Variants in GABBR2 observed in about 807,000 individuals in gnomAD.
The protein encoded by GABBR2 is gamma-aminobutyric acid type B receptor subunit 2.
In GABBR2, 23 loss-of-function variants were observed where a neutral mutation model predicts 105.6. That is an observed-to-expected ratio of 0.22 (90% CI 0.16 to 0.31). The LOEUF (loss-of-function observed/expected upper bound fraction) is 0.31. Ranked by LOEUF, GABBR2 falls within the 10% of genes least tolerant of loss-of-function variation. The pLI is 1.00. For synonymous variants in GABBR2, 478 were observed against 499.7 expected, an observed-to-expected ratio of 0.96 and a Z score of 0.58; for missense variants, 734 against 1,245.5, an observed-to-expected ratio of 0.59 and a Z score of 6.18.
intron 2 of GABBR2, among the ~76,000 whole-genome samples, chr9:98,570,766 G>T (rs764366145): frequency 2.0e-5 from 3 of 152,232 alleles, no homozygotes; most frequent in Admixed American, 6.5e-5. Context: ...AGGGGGCGGG[G>T]GTTCCTGAGA....
In GABBR2 at chr9:98,385,721, C is replaced by T. The variant is rs768532633; in HGVS notation, c.1581G>A (p.Gly527=). Residue 527 remains glycine, a synonymous_variant, in exon 11 of 19, where the codon GGG becomes GGA. Transcript: ENST00000259455. The part of the protein sequence containing the change: ...PYMNNLIILG[G]MLSYASIFLF... ...GAAATATGGAAGCATAGGAGAGCATCCCTCCAAGGATGATAAGGTTGTTCA... is the reference window on the plus strand; with the variant it reads ...GAAATATGGAAGCATAGGAGAGCATTCCTCCAAGGATGATAAGGTTGTTCA... The T allele has an allele frequency of 1.2e-6, 2 of 1,607,720 alleles. No individual in the cohort carries two copies. The highest frequency in any genetic ancestry group is 1.7e-6 in the Non-Finnish European group (2 of 1,174,302).
At chr9:98,688,971 C>T (rs144128605) in intron 1 of GABBR2, among the ~76,000 whole-genome samples, 47 of 152,288 alleles carry the variant, frequency 3.1e-4, no homozygotes, top group Admixed American at 8.5e-4. Context: ...AAGGAAAGCA[C>T]GTTCAGGACA....
At chr9:98,583,649 A>ACT (rs1829032909) in intron 1 of GABBR2, among the ~76,000 whole-genome samples, 1 of 152,084 alleles carries the variant, frequency 6.6e-6, no homozygotes, top group Non-Finnish European at 1.5e-5. Flanking sequence ...TAGGCTACTC[A>ACT]CTCCAAGTTA....
At chr9:98,315,429 G>A (rs989841921) in intron 13 of GABBR2, among the ~76,000 whole-genome samples, 1 of 152,240 alleles carries the variant, frequency 6.6e-6, no homozygotes, top group African/African-American at 2.4e-5. Flanking sequence ...CAGGGGTTGG[G>A]ATAGTTTTGG....
At chr9:98,606,483 C>CT (rs11452013) in intron 1 of GABBR2, among the ~76,000 whole-genome samples, 70,583 of 130,376 alleles carry the variant, frequency 0.54, 19,069 homozygotes, top group Middle Eastern at 0.64. Context: ...TTTTTTTTTT[C>CT]TTTTTTTTTT....
intron 5 of GABBR2, among the ~76,000 whole-genome samples, chr9:98,476,571 C>T (rs1053124137): frequency 7.9e-5 from 12 of 152,230 alleles, no homozygotes; most frequent in African/African-American, 2.7e-4. Flanking sequence ...GCATGGCAAA[C>T]ACTATGTTCA....
At chr9:98,653,485 C>G (rs891493614) in intron 1 of GABBR2, among the ~76,000 whole-genome samples, 1 of 152,170 alleles carries the variant, frequency 6.6e-6, no homozygotes, top group South Asian at 2.1e-4. Flanking sequence ...GGTTGAAAAA[C>G]AGATTAAGTT....
intron 7 of GABBR2, among the ~76,000 whole-genome samples, chr9:98,432,389 T>C (rs1365550310): frequency 2.0e-5 from 3 of 152,120 alleles, no homozygotes; most frequent in African/African-American, 7.2e-5. Flanking sequence ...GATCGCTGTA[T>C]ATATCTCTCT....
intron 11 of GABBR2, among the ~76,000 whole-genome samples, 176 bp downstream of exon 11, chr9:98,385,464 T>C (rs1458249559): frequency 6.6e-6 from 1 of 152,132 alleles, no homozygotes; most frequent in Non-Finnish European, 1.5e-5. Context: ...TTATACCCAG[T>C]GATGGCCTGA....
At chr9:98,680,632 A>G (rs924952764) in intron 1 of GABBR2, among the ~76,000 whole-genome samples, 1 of 152,206 alleles carries the variant, frequency 6.6e-6, no homozygotes, top group Non-Finnish European at 1.5e-5. Flanking sequence ...TTAGAACTCA[A>G]CAAAATGGTT....
intron 1 of GABBR2, among the ~76,000 whole-genome samples, chr9:98,588,748 C>A (rs1001465508): frequency 6.6e-6 from 1 of 152,044 alleles, no homozygotes; most frequent in Non-Finnish European, 1.5e-5. Context: ...CCCCTCCCCC[C>A]GACAATTAGG....
At chr9:98,689,551 C>T (rs1178209089) in intron 1 of GABBR2, among the ~76,000 whole-genome samples, 2 of 152,172 alleles carry the variant, frequency 1.3e-5, no homozygotes, top group Non-Finnish European at 2.9e-5. Flanking sequence ...ACCCAGGATT[C>T]CCACATTCCA....
intron 13 of GABBR2, among the ~76,000 whole-genome samples, chr9:98,335,664 T>TCAACAA (rs3837262): frequency 8.6e-5 from 13 of 151,448 alleles, no homozygotes; most frequent in African/African-American, 1.2e-4. Flanking sequence ...TTGAAATCAT[T>TCAACAA]CAACAACAAC....
chr9:98,323,033 G>C (rs536300535), intron 13 of GABBR2, among the ~76,000 whole-genome samples: 1 of 151,882 alleles, frequency 6.6e-6, no homozygotes, highest in Non-Finnish European at 1.5e-5. Flanking sequence ...AGACACGAGC[G>C]CCAGCACCAC....
At chr9:98,436,304 C>CCATAAATATATATATATATAT (rs1564068040) in intron 7 of GABBR2, among the ~76,000 whole-genome samples, 40 of 61,406 alleles carry the variant, frequency 6.5e-4, no homozygotes, top group African/African-American at 2.3e-3. Context: ...TATATATATA[C>CCATAAATATATATATATATAT]CCATAAATAT....
At chr9:98,511,938 G>C (rs1827652443) in intron 3 of GABBR2, among the ~76,000 whole-genome samples, 1 of 152,164 alleles carries the variant, frequency 6.6e-6, no homozygotes, top group Non-Finnish European at 1.5e-5. Context: ...ACCAAAGCCT[G>C]GTAGAGACAC....
At chr9:98,691,404 G>A (rs1830680359) in intron 1 of GABBR2, among the ~76,000 whole-genome samples, 1 of 152,168 alleles carries the variant, frequency 6.6e-6, no homozygotes, top group South Asian at 2.1e-4. Flanking sequence ...CTCCAAGTCA[G>A]CCTAATCCAC....
chr9:98,298,513 T>C (rs1830417916), intron 17 of GABBR2, among the ~76,000 whole-genome samples: 1 of 152,260 alleles, frequency 6.6e-6, no homozygotes, highest in Non-Finnish European at 1.5e-5. Flanking sequence ...AGTGCTAGAC[T>C]GACTTCTAAT....
intron 11 of GABBR2, among the ~76,000 whole-genome samples, chr9:98,381,343 G>A (rs775834496): frequency 4.1e-4 from 62 of 152,178 alleles, no homozygotes; most frequent in Non-Finnish European, 7.3e-4. Context: ...ACACCATAGG[G>A]GCCTGCTTCT....
Sources: gnomAD v4.1 joint callset for allele counts (sites outside exome capture counted in the v4.1 genomes callset) on GRCh38, gnomAD v4.1.1 for gene constraint, MANE v1.5 for transcripts, NCBI Gene and HGNC (gene_info 2026-07-23, HGNC 2026-07-21) for gene names.